The following ST18 variants were observed in gnomAD, a reference collection of about 807,000 sequenced individuals.
ST18 encodes suppression of tumorigenicity 18 protein.
In ST18, 50 loss-of-function variants were observed where a neutral mutation model predicts 110.0. That is an observed-to-expected ratio of 0.45 (90% confidence interval 0.36 to 0.58). The LOEUF (loss-of-function observed/expected upper bound fraction) is 0.58, where lower values mean the gene tolerates loss of function less well. Ranked by LOEUF, ST18 falls within the 20% of genes least tolerant of loss-of-function variation. The probability of loss-of-function intolerance (pLI) is 0.00; values close to 1 mark genes in which losing one functional copy is unlikely to be tolerated. For missense variants in ST18, 1,306 were observed against 1,280.1 expected, an observed-to-expected ratio of 1.02 and a Z score of -0.31; for synonymous variants, 461 against 452.4, an observed-to-expected ratio of 1.02 and a Z score of -0.24.
intron 2 of ST18, among the ~76,000 whole-genome samples, chr8:52,234,200 G>T (rs1050526743): frequency 3.0e-4 from 46 of 152,294 alleles, no homozygotes; most frequent in South Asian, 2.1e-4. Context: ...TATACCAGGT[G>T]CTTTCAAAGT....
chr8:52,317,608 G>A (rs950057943), intron 2 of ST18, among the ~76,000 whole-genome samples: 2 of 152,144 alleles, frequency 1.3e-5, no homozygotes, highest in African/African-American at 4.8e-5. Flanking sequence ...GTCATGGTGT[G>A]TTTATCTACT....
At chr8:52,163,189 G>A (rs1563785925) in intron 13 of ST18, among the ~76,000 whole-genome samples, 2 of 152,038 alleles carry the variant, frequency 1.3e-5, no homozygotes, top group Non-Finnish European at 1.5e-5. Context: ...TGTTCTTCAC[G>A]CATGTGATTT....
At chr8:52,296,373 C>A (rs1417021574) in intron 2 of ST18, 2 of 152,148 alleles carry the variant, frequency 1.3e-5, no homozygotes, top group African/African-American at 4.8e-5. Context: ...GCTTTTACAG[C>A]CTACCTGTAT....
At chr8:52,222,403 C>G (rs1033826101) in intron 3 of ST18, among the ~76,000 whole-genome samples, 2 of 152,194 alleles carry the variant, frequency 1.3e-5, no homozygotes, top group Non-Finnish European at 2.9e-5. Flanking sequence ...CTCAACAGCC[C>G]GGCCGTTTGC....
chr8:52,167,974 G>A (rs888278636), intron 10 of ST18, among the ~76,000 whole-genome samples: 1 of 151,964 alleles, frequency 6.6e-6, no homozygotes, highest in Non-Finnish European at 1.5e-5. Flanking sequence ...ATACTGGTGA[G>A]CTTAGAACTA....
rs1167478529 is a variant in ST18 at position 52,409,750 on chromosome 8, T to TA, written c.-793dup. 1 of 152,274 alleles carries TA rather than the reference T, an allele frequency of 6.6e-6. No individual in the cohort carries two copies. The highest frequency in any genetic ancestry group is 1.5e-5 in the Non-Finnish European group (1 of 68,046). 9.4% of individuals were successfully genotyped at this position (152,274 alleles called of 1,614,324 possible). ...CCCTTCTCCCTACAAAAAGGTTCCA[T>TA]AGAATCAGAACGCAGAGGCGCTGCA... is the stretch of plus-strand genomic sequence containing the variant. On this transcript the variant is annotated 5_prime_UTR_variant, in exon 1 of 26. Transcript: ENST00000689386.
intron 2 of ST18, among the ~76,000 whole-genome samples, chr8:52,340,133 C>T (rs759342113): frequency 3.3e-5 from 5 of 152,224 alleles, no homozygotes; most frequent in Non-Finnish European, 7.3e-5. Context: ...AAATTTGCTT[C>T]GAAGCTCAAT....
chr8:52,355,728 G>A (rs1034055891), intron 2 of ST18, among the ~76,000 whole-genome samples: 2 of 152,170 alleles, frequency 1.3e-5, no homozygotes, highest in African/African-American at 4.8e-5. Flanking sequence ...TAGGTCAGTG[G>A]TGATGGTGAG....
intron 8 of ST18, among the ~76,000 whole-genome samples, chr8:52,188,983 T>C (rs568812477): frequency 6.6e-6 from 1 of 152,184 alleles, no homozygotes; most frequent in Non-Finnish European, 1.5e-5. Flanking sequence ...GCCTACTGCA[T>C]ATGGTGACAG....
chr8:52,180,151 G>A lies in ST18; in HGVS notation c.248C>T (p.Pro83Leu), dbSNP rs1279018046. The change falls in exon 9 of 26, where the codon CCC becomes CTC. Residue 83 changes from proline to leucine, a missense_variant. By Grantham distance (98) the Pro-to-Leu change is moderately conservative. Coordinates refer to ENST00000689386, the MANE Select transcript of ST18 (RefSeq NM_001352837.2). The stretch of plus-strand genomic sequence containing the variant: ...GGTAGAGTGACCATGTGTTTCCAAG[G>A]GGCCATCGTCCTCTGTCCTGTCACT... ...DRSDRTEDDG[P>L]LETHGHSTAE... 1.2e-6 allele frequency: 2 copies of A among 1,613,950 alleles called. No individual in the cohort carries two copies. Among genetic ancestry groups the A allele is most frequent in the Non-Finnish European group, 1.7e-6 (2 of 1,180,024 alleles).
At chr8:52,165,572 C>T (rs938559602) in intron 11 of ST18, among the ~76,000 whole-genome samples, 14 of 152,276 alleles carry the variant, frequency 9.2e-5, no homozygotes, top group Admixed American at 1.3e-4. Context: ...TCATATAGTT[C>T]TTTCTATCTT....
intron 8 of ST18, among the ~76,000 whole-genome samples, chr8:52,180,819 G>A (rs1335121542): frequency 2.0e-5 from 3 of 152,202 alleles, no homozygotes; most frequent in Admixed American, 1.3e-4. Flanking sequence ...TACAGAGCAA[G>A]GGGGCTAGCT....
chr8:52,336,706 T>C (rs1019644676), intron 2 of ST18, among the ~76,000 whole-genome samples: 33 of 152,170 alleles, frequency 2.2e-4, no homozygotes, highest in African/African-American at 7.7e-4. Flanking sequence ...CTTCCTAGCT[T>C]GTCAGTGATA....
chr8:52,156,519 A>G (rs907871613), intron 15 of ST18, among the ~76,000 whole-genome samples: 1 of 152,310 alleles, frequency 6.6e-6, no homozygotes, highest in East Asian at 1.9e-4. Context: ...TTAATCCTAC[A>G]TTAAGTAAAA....
chr8:52,320,711 T>G (rs939322660), intron 2 of ST18, among the ~76,000 whole-genome samples: 8 of 152,182 alleles, frequency 5.3e-5, no homozygotes, highest in African/African-American at 1.9e-4. Context: ...CTGGTGAGGA[T>G]GCAGAACAAA....
At chr8:52,333,411 G>A (rs1810534076) in intron 2 of ST18, among the ~76,000 whole-genome samples, 1 of 152,126 alleles carries the variant, frequency 6.6e-6, no homozygotes, top group African/African-American at 2.4e-5. Context: ...TAGCCAATGA[G>A]TCAGACACAT....
chr8:52,168,473 T>G (rs374811734), intron 10 of ST18, among the ~76,000 whole-genome samples: 18 of 152,110 alleles, frequency 1.2e-4, no homozygotes, highest in Non-Finnish European at 2.6e-4. Flanking sequence ...TGCTGGATGA[T>G]AAACAGTCCT....
At chr8:52,384,883 C>T (rs577263960) in intron 2 of ST18, among the ~76,000 whole-genome samples, 1 of 152,072 alleles carries the variant, frequency 6.6e-6, no homozygotes, top group South Asian at 2.1e-4. Context: ...ATCTTCAGTG[C>T]TGTGAGCACA....
intron 2 of ST18, among the ~76,000 whole-genome samples, chr8:52,372,392 A>C (rs963986744): frequency 2.6e-5 from 4 of 152,228 alleles, no homozygotes; most frequent in African/African-American, 9.6e-5. Flanking sequence ...GTTACAGTAC[A>C]CTACGGTTAA....
Sources: allele counts gnomAD v4.1 joint callset (sites outside exome capture counted in the v4.1 genomes callset), GRCh38; gene constraint gnomAD v4.1.1; transcripts MANE v1.5; gene names NCBI Gene and HGNC (gene_info 2026-07-23, HGNC 2026-07-21).